Variants in KLF13 observed in about 807,000 individuals in gnomAD.
KLF13 encodes KLF transcription factor 13, also known as Krueppel-like factor 13.
In KLF13, 8 loss-of-function variants were observed where a neutral mutation model predicts 16.7. That is an observed-to-expected ratio of 0.48 (90% CI 0.28 to 0.87). KLF13 has a LOEUF of 0.87. Ranked by LOEUF, KLF13 falls within the 40% of genes least tolerant of loss-of-function variation. KLF13 has a pLI of 0.10. For synonymous variants in KLF13, 245 were observed against 208.4 expected, an observed-to-expected ratio of 1.18 and a Z score of -1.51; for missense variants, 447 against 452.2, an observed-to-expected ratio of 0.99 and a Z score of 0.10.
At chr15:31,379,718 C>T (rs924054414), downstream of KLF13, among the ~76,000 whole-genome samples, 7 of 152,290 alleles carry the variant, frequency 4.6e-5, no homozygotes, top group East Asian at 5.8e-4. Context: ...AAAGCAGTTT[C>T]GGGTGGCGGA....
downstream of KLF13, among the ~76,000 whole-genome samples, chr15:31,382,159 G>A (rs1046684136): frequency 6.6e-6 from 1 of 152,214 alleles, no homozygotes; most frequent in Admixed American, 6.5e-5. Flanking sequence ...AATGATCCCT[G>A]TGGACAGAGA....
intron 1 of KLF13, among the ~76,000 whole-genome samples, chr15:31,343,933 A>G (rs1193994669): frequency 6.6e-6 from 1 of 152,130 alleles, no homozygotes; most frequent in African/African-American, 2.4e-5. Context: ...GTCTTTGTAT[A>G]ATGTGTTCAG....
intron 1 of KLF13, among the ~76,000 whole-genome samples, chr15:31,359,514 C>T (rs1212360454): frequency 6.6e-6 from 1 of 152,104 alleles, no homozygotes; most frequent in African/African-American, 2.4e-5. Flanking sequence ...GTGAAAGGTA[C>T]GTGTGTGTAC....
chr15:31,389,771 C>T (rs532125931), upstream of KLF13, among the ~76,000 whole-genome samples: 1 of 152,286 alleles, frequency 6.6e-6, no homozygotes, highest in Admixed American at 6.5e-5. Context: ...GGAGCCTCTA[C>T]ACCCCTAGGC....
chr15:31,433,262 GC>G (rs1280451338), intron 1 of KLF13, among the ~76,000 whole-genome samples: 4 of 152,172 alleles, frequency 2.6e-5, no homozygotes, highest in Non-Finnish European at 5.9e-5. Context: ...GCTGGTGGGA[GC>G]CCCCTGGGAG....
chr15:31,361,542 GT>G (rs1393910157), intron 1 of KLF13, among the ~76,000 whole-genome samples: 1 of 152,074 alleles, frequency 6.6e-6, no homozygotes, highest in Non-Finnish European at 1.5e-5. Flanking sequence ...TGCAGGCAAG[GT>G]CCCCCCCAGG....
chr15:31,412,704 A>C (rs1209201394), intron 1 of KLF13, among the ~76,000 whole-genome samples: 1 of 152,190 alleles, frequency 6.6e-6, no homozygotes, highest in African/African-American at 2.4e-5. Context: ...TTTCTTAAAA[A>C]TTTTGCCCGA....
chr15:31,428,067 A>G (rs565094954), intron 1 of KLF13, among the ~76,000 whole-genome samples: 4 of 152,360 alleles, frequency 2.6e-5, no homozygotes, highest in Non-Finnish European at 4.4e-5. Context: ...ATACTACAAC[A>G]TCCATGAACC....
intron 1 of KLF13, among the ~76,000 whole-genome samples, chr15:31,367,099 G>T (rs976947954): frequency 3.3e-5 from 5 of 152,248 alleles, no homozygotes; most frequent in Non-Finnish European, 5.9e-5. Flanking sequence ...GTGGGTGAAA[G>T]TGGCCTGGGG....
chr15:31,357,927 C>G (rs1439876328), intron 1 of KLF13, among the ~76,000 whole-genome samples: 1 of 152,174 alleles, frequency 6.6e-6, no homozygotes, highest in African/African-American at 2.4e-5. Context: ...CTCTCTTTCC[C>G]TTTTGCTTTG....
At chr15:31,342,237 G>T (rs1359813330) in intron 1 of KLF13, among the ~76,000 whole-genome samples, 1 of 152,170 alleles carries the variant, frequency 6.6e-6, no homozygotes, top group African/African-American at 2.4e-5. Context: ...GAGAGATTGT[G>T]CCTGCAGGTG....
chr15:31,350,450 C>T (rs1566811916), intron 1 of KLF13, among the ~76,000 whole-genome samples: 1 of 152,210 alleles, frequency 6.6e-6, no homozygotes, highest in East Asian at 1.9e-4. Flanking sequence ...AGGAGGGAGT[C>T]TATGTGGTTC....
At chr15:31,423,200 A>T (rs9744263) in intron 1 of KLF13, among the ~76,000 whole-genome samples, 27,585 of 61,074 alleles carry the variant, frequency 0.45, 4,426 homozygotes, top group East Asian at 0.61. Flanking sequence ...TATATATATC[A>T]GTAGCTCACT....
downstream of KLF13, among the ~76,000 whole-genome samples, chr15:31,405,871 C>A (rs796665287): frequency 6.6e-6 from 1 of 152,082 alleles, no homozygotes; most frequent in African/African-American, 2.4e-5. Flanking sequence ...CGAAGAGGAA[C>A]AAAAGTAACA....
chr15:31,394,359 C>T (rs2039923162), intron 2 of KLF13, among the ~76,000 whole-genome samples: 1 of 151,826 alleles, frequency 6.6e-6, no homozygotes, highest in African/African-American at 2.4e-5. Context: ...TGGTGGCGGG[C>T]ACCTGTAGTC....
At chr15:31,427,871 T>A (rs1405521518) in intron 1 of KLF13, among the ~76,000 whole-genome samples, 2 of 152,052 alleles carry the variant, frequency 1.3e-5, no homozygotes, top group African/African-American at 4.8e-5. Flanking sequence ...ATCTTCCAAG[T>A]ACTCACTCAC....
chr15:31,378,807 CCT>C (rs1318954672), downstream of KLF13, among the ~76,000 whole-genome samples: 22 of 152,192 alleles, frequency 1.4e-4, no homozygotes, highest in African/African-American at 4.8e-4. Flanking sequence ...GCAACCTCTG[CCT>C]CTCAGGTTCG....
intron 2 of KLF13, among the ~76,000 whole-genome samples, chr15:31,399,864 G>C (rs559383233): frequency 2.6e-5 from 4 of 152,248 alleles, no homozygotes; most frequent in Non-Finnish European, 2.9e-5. Flanking sequence ...TCTGGGCTCC[G>C]GGGCTTCTGC....
downstream of KLF13, among the ~76,000 whole-genome samples, chr15:31,378,398 G>T (rs1204748769): frequency 2.0e-5 from 3 of 152,190 alleles, no homozygotes; most frequent in African/African-American, 4.8e-5. Context: ...CTCCAGCGAG[G>T]ACGAGTCCCA....
Sources: allele counts gnomAD v4.1 joint callset (sites outside exome capture counted in the v4.1 genomes callset), GRCh38; gene constraint gnomAD v4.1.1; transcripts MANE v1.5; gene names NCBI Gene and HGNC (gene_info 2026-07-23, HGNC 2026-07-21).